The following ASZ1 variants were observed in gnomAD, a reference collection of about 807,000 sequenced individuals.
ASZ1 encodes ankyrin repeat, SAM and basic leucine zipper domain containing 1, also known as ankyrin repeat, SAM and basic leucine zipper domain-containing protein 1.
ASZ1 carries 67 observed loss-of-function variants against 61.8 expected under a neutral mutation model. The ratio of observed to expected loss-of-function variants is 1.08; its 90% CI spans 0.89 to 1.33. The LOEUF (loss-of-function observed/expected upper bound fraction) is 1.33. Among genes scored for constraint, ASZ1 ranks in the 40% most tolerant of loss-of-function variants. The pLI is 0.00. For synonymous variants in ASZ1, 193 were observed against 192.7 expected, an observed-to-expected ratio of 1.00 and a Z score of -0.01; for missense variants, 577 against 554.5, an observed-to-expected ratio of 1.04 and a Z score of -0.41.
At chr7:117,373,992 T>G (rs959258619) in intron 10 of ASZ1, among the ~76,000 whole-genome samples, 4 of 152,100 alleles carry the variant, frequency 2.6e-5, no homozygotes. Context: ...TCACAATGCA[T>G]TTAAATATTT....
chr7:117,368,137 G>T, intron 11 of ASZ1: 1 of 588,014 alleles, frequency 1.7e-6, no homozygotes, highest in Non-Finnish European at 2.1e-6. Context: ...ATGCTGCTCA[G>T]GCTGGTCTCA....
rs1222662211 is a variant in ASZ1, at chr7:117,400,081, A to G, written c.441-14272T>C. Among the ~76,000 whole-genome samples the G allele has an allele frequency of 2.6e-5, 4 of 152,128 alleles. No homozygotes were observed. The East Asian group carries it at 5.8e-4, about 22-fold the overall frequency. ...AAATAATATATTTTCACAATGATGT[A>G]TTTGTCACGTCTCTGTACTGGGGTA... On this transcript the variant is annotated intron_variant, in intron 4 of 12. Transcript: ENST00000284629.
Position 117,384,763 on chromosome 7 carries a change from A to T in ASZ1, c.650T>A (p.Met217Lys). Residue 217 changes from methionine to lysine, a missense_variant, in exon 6 of 13, where the codon ATG becomes AAG. Coordinates refer to ENST00000284629, the MANE Select transcript of ASZ1 (RefSeq NM_130768.3). Reference protein sequence around the residue: ...NKMLQTKDGKMPSEIAKRNKH... With the variant: ...NKMLQTKDGKKPSEIAKRNKH... The stretch of plus-strand genomic sequence containing the variant: ...GTTTCTTTTTGCAATCTCACTTGGC[A>T]TCTTTCCATCTTTGGTTTGTAGCAT... 6.2e-7 allele frequency: 1 copy of T among 1,612,672 alleles called. No homozygotes were observed. Among genetic ancestry groups the T allele is most frequent in the Non-Finnish European group, 8.5e-7 (1 of 1,179,312 alleles).
rs907789865 is a variant in ASZ1, at chr7:117,427,475, C to G, written c.-15G>C. Reference sequence around the variant, plus strand: ...CTCGCCGCCATGCCAGCCAAGGAAGCTCCCTGTCGGCACCGCGCGCCCTTC... The same window carrying G: ...CTCGCCGCCATGCCAGCCAAGGAAGGTCCCTGTCGGCACCGCGCGCCCTTC... On this transcript the variant is annotated 5_prime_UTR_variant, in exon 1 of 13. Coordinates refer to ENST00000284629, the MANE Select transcript of ASZ1 (RefSeq NM_130768.3). 15 of 1,613,182 alleles carry G rather than the reference C, an allele frequency of 9.3e-6. No homozygotes were observed. The highest frequency in any genetic ancestry group is 1.7e-5 in the Admixed American group (1 of 59,960).
At chr7:117,416,384 C>T in intron 4 of ASZ1, among the ~76,000 whole-genome samples, 1 of 152,096 alleles carries the variant, frequency 6.6e-6, no homozygotes, top group East Asian at 1.9e-4. Flanking sequence ...AACTTTATGG[C>T]TTTTTTGTCC....
At chr7:117,409,188 C>T (rs1347636697) in intron 4 of ASZ1, among the ~76,000 whole-genome samples, 1 of 151,888 alleles carries the variant, frequency 6.6e-6, no homozygotes. Context: ...CCTTTAACCA[C>T]ATTATATTAT....
rs186030548 is a variant in ASZ1 at position 117,425,686 on chromosome 7, C to A, written c.205+1150G>T. On this transcript the variant is annotated intron_variant, in intron 2 of 12. Transcript: ENST00000284629. ...CCCAGGACAGAATTATGATGCTTTACATAAAGAAACTGATGCTCTCTGGCT... is the reference window on the plus strand; with the variant it reads ...CCCAGGACAGAATTATGATGCTTTAAATAAAGAAACTGATGCTCTCTGGCT... 8.0e-3 allele frequency among the ~76,000 whole-genome samples: 1,208 copies of A among 151,560 alleles called. 19 individuals carry two copies. The highest frequency in any genetic ancestry group is 0.028 in the African/African-American group (1,145 of 41,388).
intron 10 of ASZ1, among the ~76,000 whole-genome samples, chr7:117,371,772 A>C (rs979252257): frequency 3.3e-5 from 5 of 152,196 alleles, no homozygotes; most frequent in African/African-American, 1.2e-4. Context: ...TATTTAATTT[A>C]TGACCTCAAG....
chr7:117,380,173 AAC>A (rs1796223260), intron 9 of ASZ1, 126 bp from the exon 10 acceptor site: 4 of 621,372 alleles, frequency 6.4e-6, no homozygotes, highest in East Asian at 2.9e-5. Context: ...TTGGAAAAAT[AAC>A]ACACTTCTAA....
In ASZ1 at chr7:117,381,475, C is replaced by T. The variant is rs541948599; in HGVS notation, c.889-408G>A. On this transcript the variant is annotated intron_variant, in intron 8 of 12. Coordinates refer to ENST00000284629, the MANE Select transcript of ASZ1 (RefSeq NM_130768.3). ...CAAGATTATACAATGAAGCACAACT[C>T]TGAAATATTTTAACAGAATGTGCAC... is the stretch of plus-strand genomic sequence containing the variant. Among the ~76,000 whole-genome samples the T allele has an allele frequency of 5.3e-5, 8 of 152,192 alleles. No individual in the cohort carries two copies. The South Asian group carries it at 1.2e-3, about 24-fold the overall frequency.
At chr7:117,386,265 A>T (rs1796354212) in intron 4 of ASZ1, among the ~76,000 whole-genome samples, 1 of 152,188 alleles carries the variant, frequency 6.6e-6, no homozygotes, top group Admixed American at 6.6e-5. Flanking sequence ...TAAAAACTTC[A>T]TTCCTTAATG....
intron 4 of ASZ1, among the ~76,000 whole-genome samples, chr7:117,412,097 T>C (rs1796908615): frequency 6.6e-6 from 1 of 150,984 alleles, no homozygotes; most frequent in Non-Finnish European, 1.5e-5. Flanking sequence ...TGTCTGTGCA[T>C]TTGTATGAAA....
chr7:117,363,836 A>C (rs1795878156), intron 12 of ASZ1, 88 bp from the exon 13 acceptor site: 1 of 1,074,690 alleles, frequency 9.3e-7, no homozygotes, highest in Admixed American at 3.6e-5. Context: ...CATAATATCC[A>C]TGTTAATTCA....
intron 10 of ASZ1, among the ~76,000 whole-genome samples, chr7:117,370,219 C>T (rs538795323): frequency 2.3e-4 from 35 of 152,250 alleles, no homozygotes; most frequent in Admixed American, 6.5e-5. Context: ...TCAGTCTTTC[C>T]TTCAATTGCG....
intron 5 of ASZ1, 94 bp downstream of exon 5, chr7:117,385,604 A>C (rs1796338481): frequency 9.9e-7 from 1 of 1,014,874 alleles, no homozygotes. Context: ...ATTATATTCC[A>C]GCCCTTTTGT....
intron 2 of ASZ1, 111 bp from the exon 3 acceptor site, chr7:117,422,470 C>T (rs1797117956): frequency 8.1e-7 from 1 of 1,238,500 alleles, no homozygotes; most frequent in Non-Finnish European, 1.1e-6. Flanking sequence ...GTACTTTATT[C>T]CACCATGGGA....
intron 2 of ASZ1, among the ~76,000 whole-genome samples, chr7:117,422,736 C>T (rs997212222): frequency 1.3e-5 from 2 of 152,162 alleles, no homozygotes; most frequent in Admixed American, 1.3e-4. Context: ...TCAGTTATCT[C>T]TATGGTTGAA....
At chr7:117,375,413 C>T (rs887744011) in intron 10 of ASZ1, among the ~76,000 whole-genome samples, 4 of 152,172 alleles carry the variant, frequency 2.6e-5, no homozygotes, top group African/African-American at 7.2e-5. Context: ...AAATAATAAA[C>T]TTAAAAACTC....
At chr7:117,380,902 G>T in intron 9 of ASZ1, 109 bp downstream of exon 9, 1 of 943,976 alleles carries the variant, frequency 1.1e-6, no homozygotes, top group African/African-American at 1.7e-5. Flanking sequence ...CACAGTAGAA[G>T]ATCAATCTTT....
Sources: allele counts gnomAD v4.1 joint callset (sites outside exome capture counted in the v4.1 genomes callset), GRCh38; gene constraint gnomAD v4.1.1; transcripts MANE v1.5; gene names NCBI Gene and HGNC (gene_info 2026-07-23, HGNC 2026-07-21).